Variants in GPLD1 observed in about 807,000 individuals in gnomAD.
GPLD1 encodes the protein glycosylphosphatidylinositol specific phospholipase D1, also known as phosphatidylinositol-glycan-specific phospholipase D.
In GPLD1, 84 loss-of-function variants were observed where a neutral mutation model predicts 112.6. The ratio of observed to expected loss-of-function variants is 0.75; its 90% confidence interval spans 0.63 to 0.89. GPLD1 has a LOEUF of 0.89. GPLD1 is among the 40% of genes least tolerant of loss of function. The probability of loss-of-function intolerance (pLI) is 0.00; values close to 1 mark genes in which losing one functional copy is unlikely to be tolerated. For missense variants in GPLD1, 1,044 were observed against 1,051.5 expected (o/e 0.99, Z 0.10); for synonymous variants, 386 against 403.8 (o/e 0.96, Z 0.53).
chr6:24,445,950 C>A, intron 18 of GPLD1, 119 bp from the exon 19 acceptor site: 1 of 724,040 alleles, frequency 1.4e-6, no homozygotes, highest in Non-Finnish European at 2.4e-6. Flanking sequence ...CAGGCTCTGT[C>A]TCTGCGACCC....
At chr6:24,467,403 A>C in intron 7 of GPLD1, 129 bp from the exon 8 acceptor site, 1 of 631,682 alleles carries the variant, frequency 1.6e-6, no homozygotes, top group Non-Finnish European at 2.8e-6. Flanking sequence ...CTTTACATGC[A>C]CCAGTTATTT....
chr6:24,468,822 C>T (rs1763705327), intron 7 of GPLD1, among the ~76,000 whole-genome samples: 1 of 152,194 alleles, frequency 6.6e-6, no homozygotes, highest in Non-Finnish European at 1.5e-5. Flanking sequence ...TGATTGATGT[C>T]CCAAGTCTCC....
chr6:24,465,260 C>T (rs1315912707), intron 10 of GPLD1, among the ~76,000 whole-genome samples: 5 of 151,006 alleles, frequency 3.3e-5, no homozygotes, highest in African/African-American at 1.2e-4. Context: ...GGTTTTCCGG[C>T]CACGCATGGT....
Position 24,488,636 on chromosome 6 carries a change from G to A in GPLD1, c.97+779C>T, listed in dbSNP as rs201528989. Among the ~76,000 whole-genome samples the A allele has an allele frequency of 1.5e-4, 22 of 151,496 alleles. No homozygotes were observed. The East Asian group carries it at 4.1e-3, about 28-fold the overall frequency. On this transcript the variant is annotated intron_variant, in intron 1 of 24. Transcript: ENST00000230036. ...AAAACATGGTAGCTATGTGGGGGGGGCGGATGTGTTAATTAGCTTGATTGT... is the reference window on the plus strand; with the variant it reads ...AAAACATGGTAGCTATGTGGGGGGGACGGATGTGTTAATTAGCTTGATTGT...
chr6:24,473,230 T>G (rs1412222231), intron 6 of GPLD1: 1 of 160,388 alleles, frequency 6.2e-6, no homozygotes, highest in African/African-American at 2.4e-5. Flanking sequence ...ATAAACACCA[T>G]TCACCACCTA....
intron 2 of GPLD1, among the ~76,000 whole-genome samples, chr6:24,482,117 T>TTC (rs1383275975): frequency 0.013 from 1,865 of 148,508 alleles, 24 homozygotes; most frequent in South Asian, 0.032. Flanking sequence ...TTTTTTTTTT[T>TTC]TGAGATGGAG....
chr6:24,493,456 A>G (rs1252698855), upstream of GPLD1, among the ~76,000 whole-genome samples: 1 of 152,178 alleles, frequency 6.6e-6, no homozygotes, highest in Admixed American at 6.5e-5. Flanking sequence ...ACCCTGGGTG[A>G]CAGAATGAGT....
chr6:24,462,693 T>G (rs943579672), intron 11 of GPLD1, 37 bp downstream of exon 11: 2 of 1,394,314 alleles, frequency 1.4e-6, no homozygotes, highest in African/African-American at 1.4e-5. Context: ...CCAGGTGAGA[T>G]GTACTTTTTC....
intron 1 of GPLD1, among the ~76,000 whole-genome samples, chr6:24,487,945 C>T (rs1446221805): frequency 6.6e-6 from 1 of 152,118 alleles, no homozygotes; most frequent in African/African-American, 2.4e-5. Context: ...CTTCTAGTGT[C>T]CTTTCAGATA....
upstream of GPLD1, chr6:24,489,721 C>T (rs1764503204): frequency 2.7e-6 from 2 of 743,416 alleles, no homozygotes; most frequent in East Asian, 5.9e-5. Context: ...CAAACAAACT[C>T]TGTGCTCCTG....
At chr6:24,490,646 G>A (rs1348656493), upstream of GPLD1, among the ~76,000 whole-genome samples, 1 of 152,060 alleles carries the variant, frequency 6.6e-6, no homozygotes, top group Non-Finnish European at 1.5e-5. Flanking sequence ...CAGCTACTGG[G>A]GAGGCTGAGG....
intron 20 of GPLD1, among the ~76,000 whole-genome samples, chr6:24,442,476 ACT>A (rs1372551392): frequency 5.1e-5 from 5 of 97,428 alleles, no homozygotes; most frequent in Admixed American, 3.3e-4. Context: ...ATGGAATTTC[ACT>A]CTGTCACCCA....
chr6:24,495,190 T>G (rs1315501856), exon 1 of GPLD1: 1 of 1,504,026 alleles, frequency 6.6e-7, no homozygotes, highest in Non-Finnish European at 8.8e-7. Flanking sequence ...GACAGCTTCG[T>G]GGGCGGCCGC....
upstream of GPLD1, among the ~76,000 whole-genome samples, chr6:24,490,088 G>C (rs926293018): frequency 6.6e-6 from 1 of 152,138 alleles, no homozygotes; most frequent in Non-Finnish European, 1.5e-5. Context: ...ACACTTGTAT[G>C]GGATTACACA....
chr6:24,439,713 T>C (rs904464880), intron 20 of GPLD1, among the ~76,000 whole-genome samples: 3 of 152,230 alleles, frequency 2.0e-5, no homozygotes, highest in Admixed American at 6.5e-5. Flanking sequence ...GGCATTTCTA[T>C]ATTATTTCAG....
chr6:24,470,792 T>G (rs1300114524), intron 7 of GPLD1, among the ~76,000 whole-genome samples: 1 of 151,984 alleles, frequency 6.6e-6, no homozygotes, highest in Non-Finnish European at 1.5e-5. Context: ...AGAGACAGGG[T>G]TTAACCATGT....
chr6:24,432,541 C>T (rs571196537), intron 24 of GPLD1, among the ~76,000 whole-genome samples: 28 of 152,162 alleles, frequency 1.8e-4, no homozygotes, highest in African/African-American at 5.8e-4. Context: ...GTGGAGGTTG[C>T]GGTGAGCCAA....
At chr6:24,490,347 T>G (rs1764522519), upstream of GPLD1, among the ~76,000 whole-genome samples, 1 of 152,214 alleles carries the variant, frequency 6.6e-6, no homozygotes, top group Admixed American at 6.5e-5. Flanking sequence ...ATGGTAATCT[T>G]AAAACACAAA....
In GPLD1 at chr6:24,472,617, C is replaced by T. The variant is rs978462062; in HGVS notation, c.510G>A (p.Gln170=). 2 of 1,596,528 alleles carry T rather than the reference C, an allele frequency of 1.3e-6. No individual in the cohort carries two copies. Among genetic ancestry groups the T allele is most frequent in the African/African-American group, 1.3e-5 (1 of 74,534 alleles). Residue 170 remains glutamine, a synonymous_variant, in exon 7 of 25, where the codon CAG becomes CAA. Coordinates refer to ENST00000230036, the MANE Select transcript of GPLD1 (RefSeq NM_001503.4). ...AGDFGGDVLS[Q]FEFNFNYLAR... Reference sequence around the variant, plus strand: ...CAAGGTAATTAAAATTAAATTCAAACTGGCTCAACACATCTCCTCCTAGGG... The same window carrying T: ...CAAGGTAATTAAAATTAAATTCAAATTGGCTCAACACATCTCCTCCTAGGG...
Sources: allele counts gnomAD v4.1 joint callset (sites outside exome capture counted in the v4.1 genomes callset), GRCh38; gene constraint gnomAD v4.1.1; transcripts MANE v1.5; gene names NCBI Gene and HGNC (gene_info 2026-07-23, HGNC 2026-07-21).